Variants in HBS1L observed in about 807,000 individuals in gnomAD.
HBS1L encodes the protein HBS1 like translational GTPase, also known as HBS1-like protein.
HBS1L carries 55 observed loss-of-function variants against 88.9 expected under a neutral mutation model. The ratio of observed to expected loss-of-function variants is 0.62; its 90% CI spans 0.50 to 0.77. The LOEUF is 0.77. Among genes scored for constraint, HBS1L ranks in the 30% least tolerant of loss-of-function variants. The pLI is 0.00. For missense variants in HBS1L, 741 were observed against 829.3 expected (o/e 0.89, Z 1.31); for synonymous variants, 267 against 288.5 (o/e 0.93, Z 0.76).
intron 2 of HBS1L, among the ~76,000 whole-genome samples, chr6:135,042,334 ATCT>A (rs1358515367): frequency 1.3e-5 from 2 of 152,120 alleles, no homozygotes; most frequent in Non-Finnish European, 2.9e-5. Flanking sequence ...TTCTCTTATA[ATCT>A]TCTTCCTTCT....
intron 4 of HBS1L, among the ~76,000 whole-genome samples, chr6:135,034,444 G>C (rs1776472359): frequency 6.6e-6 from 1 of 152,194 alleles, no homozygotes; most frequent in Non-Finnish European, 1.5e-5. Flanking sequence ...AGGAGTTTGA[G>C]ATCAGCCTGG....
intron 8 of HBS1L, among the ~76,000 whole-genome samples, chr6:134,992,255 G>C (rs1156953917): frequency 6.6e-6 from 1 of 152,082 alleles, no homozygotes; most frequent in Non-Finnish European, 1.5e-5. Flanking sequence ...AAGTTACGGT[G>C]ATGCACAGCA....
Position 134,997,671 on chromosome 6 carries a change from T to C in HBS1L, c.540-15A>G, listed in dbSNP as rs375193058. ...CAGAAGATACTCTACAGAAGGCAGA[T>C]AGGAAAAAAGTATTTGAAACCAACT... On this transcript the variant is annotated splice_polypyrimidine_tract_variant and intron_variant, in intron 5 of 17. Coordinates refer to ENST00000367837, the MANE Select transcript of HBS1L (RefSeq NM_006620.4). 2.5e-6 allele frequency: 4 copies of C among 1,612,198 alleles called. No homozygotes were observed. The highest frequency in any genetic ancestry group is 1.3e-5 in the African/African-American group (1 of 74,886).
At position 135,028,891 on chromosome 6, in the gene HBS1L, C is replaced by T. The variant is rs141238260; in HGVS notation, c.430+10682G>A. ...TCTTCTTCTTTTTTTAGTAACAAGA[C>T]AAGCTGTTTCTAAAGCTCATATGGG... On this transcript the variant is annotated intron_variant, in intron 4 of 17. Transcript: ENST00000367837. Among the ~76,000 whole-genome samples, 288 of 151,784 alleles carry T rather than the reference C, an allele frequency of 1.9e-3. 1 individual carries two copies. Among genetic ancestry groups the T allele is most frequent in the African/African-American group, 6.4e-3 (265 of 41,412 alleles).
intron 4 of HBS1L, among the ~76,000 whole-genome samples, chr6:135,012,557 C>T (rs1775805923): frequency 6.6e-6 from 1 of 152,096 alleles, no homozygotes; most frequent in South Asian, 2.1e-4. Flanking sequence ...GGGTTTTCAT[C>T]ATCTCAGCTA....
At chr6:134,970,042 T>C (rs1774437399) in intron 15 of HBS1L, among the ~76,000 whole-genome samples, 1 of 152,214 alleles carries the variant, frequency 6.6e-6, no homozygotes, top group South Asian at 2.1e-4. Flanking sequence ...GATTTATATG[T>C]ACTATTTAAT....
chr6:135,016,578 AC>A (rs1775928634), intron 4 of HBS1L, among the ~76,000 whole-genome samples: 2 of 152,186 alleles, frequency 1.3e-5, no homozygotes, highest in South Asian at 4.1e-4. Context: ...ACTTTAAGTC[AC>A]ACATGATAAT....
At chr6:135,034,433 C>T (rs199794381) in intron 4 of HBS1L, among the ~76,000 whole-genome samples, 2 of 152,142 alleles carry the variant, frequency 1.3e-5, no homozygotes, top group East Asian at 3.9e-4. Flanking sequence ...CATCTGAGGT[C>T]AGGAGTTTGA....
intron 8 of HBS1L, among the ~76,000 whole-genome samples, chr6:134,988,156 G>C (rs1407249498): frequency 6.6e-6 from 1 of 152,160 alleles, no homozygotes; most frequent in Non-Finnish European, 1.5e-5. Flanking sequence ...CTGAGGTCAG[G>C]AGTTCGAGAC....
At chr6:135,035,175 G>A (rs537338766) in intron 4 of HBS1L, among the ~76,000 whole-genome samples, 35 of 152,274 alleles carry the variant, frequency 2.3e-4, no homozygotes, top group African/African-American at 6.3e-4. Context: ...AAGTTAGGCC[G>A]GGCGTGGTGG....
rs553333439 is a variant in HBS1L at position 135,046,322 on chromosome 6, A to T, written c.110-4196T>A. Among the ~76,000 whole-genome samples the T allele has an allele frequency of 1.4e-3, 212 of 151,652 alleles. No homozygotes were observed. In the Middle Eastern group the frequency reaches 0.024, roughly 17 times the overall value. ...CTTTAAACAAGCTTCCTTATACCAA[A>T]CTAATTTATAAATGTATTAGAATAG... On this transcript the variant is annotated intron_variant, in intron 2 of 17. Transcript: ENST00000367837.
chr6:134,987,832 G>A (rs577146824), intron 8 of HBS1L, 41 bp from the exon 9 acceptor site: 2 of 1,519,564 alleles, frequency 1.3e-6, no homozygotes, highest in Non-Finnish European at 1.8e-6. Context: ...TAATGTTTCA[G>A]CATTTTAATT....
intron 15 of HBS1L, among the ~76,000 whole-genome samples, chr6:134,978,052 G>C (rs1774701747): frequency 6.6e-6 from 1 of 151,982 alleles, no homozygotes; most frequent in Non-Finnish European, 1.5e-5. Context: ...GGTTCTGAAT[G>C]TGTTGCTTCA....
At chr6:135,035,947 C>T (rs1776534645) in intron 4 of HBS1L, 1 of 592,564 alleles carries the variant, frequency 1.7e-6, no homozygotes. Context: ...CATATTAATC[C>T]AACTTCTATA....
At chr6:134,999,849 C>A (rs2114810048) in intron 5 of HBS1L, among the ~76,000 whole-genome samples, 1 of 152,154 alleles carries the variant, frequency 6.6e-6, no homozygotes, top group Non-Finnish European at 1.5e-5. Flanking sequence ...CTAGGTAAGT[C>A]TGCCCTTAGT....
At chr6:135,046,012 C>T (rs1263677699) in intron 2 of HBS1L, among the ~76,000 whole-genome samples, 13 of 152,198 alleles carry the variant, frequency 8.5e-5, no homozygotes, top group Admixed American at 8.5e-4. Flanking sequence ...AATAAGTTGA[C>T]ACTAAAAACA....
At chr6:135,031,178 G>C (rs960491076) in intron 4 of HBS1L, among the ~76,000 whole-genome samples, 1 of 151,996 alleles carries the variant, frequency 6.6e-6, no homozygotes, top group Non-Finnish European at 1.5e-5. Flanking sequence ...CCAGTGCTGT[G>C]GGCCATGAGT....
At chr6:135,014,948 T>C (rs1775879729) in intron 4 of HBS1L, among the ~76,000 whole-genome samples, 1 of 151,292 alleles carries the variant, frequency 6.6e-6, no homozygotes, top group Non-Finnish European at 1.5e-5. Context: ...GGAAGATGGA[T>C]TGCTTGAGCC....
chr6:134,995,826 A>G (rs1244423357), intron 7 of HBS1L, among the ~76,000 whole-genome samples: 1 of 152,088 alleles, frequency 6.6e-6, no homozygotes, highest in Non-Finnish European at 1.5e-5. Context: ...AGAACTAAAG[A>G]CACCCACAAA....
Sources: allele counts gnomAD v4.1 joint callset (sites outside exome capture counted in the v4.1 genomes callset), GRCh38; gene constraint gnomAD v4.1.1; transcripts MANE v1.5; gene names NCBI Gene and HGNC (gene_info 2026-07-23, HGNC 2026-07-21).